Variants in NPM1 observed in about 807,000 individuals in gnomAD.
NPM1 encodes the protein nucleophosmin 1, also known as nucleophosmin.
A neutral mutation model predicts 44.1 loss-of-function variants in NPM1; 1 was observed. The ratio of observed to expected loss-of-function variants is 0.02; its 90% CI spans 0.01 to 0.11. The LOEUF (loss-of-function observed/expected upper bound fraction) is 0.11. Ranked by LOEUF, NPM1 falls within the 10% of genes least tolerant of loss-of-function variation. NPM1 has a pLI of 1.00. For missense variants in NPM1, 197 were observed against 347.8 expected (o/e 0.57, Z 3.45); for synonymous variants, 126 against 111.8 (o/e 1.13, Z -0.80).
At chr5:171,410,435 T>C (rs993150330) in intron 10 of NPM1, 92 bp from the exon 11 acceptor site, 3 of 719,486 alleles carry the variant, frequency 4.2e-6, no homozygotes, top group Admixed American at 2.8e-5. Flanking sequence ...GAATGAAAAA[T>C]AGATGTTGAA....
At chr5:171,389,807 G>A (rs1245017472) in intron 1 of NPM1, among the ~76,000 whole-genome samples, 1 of 152,180 alleles carries the variant, frequency 6.6e-6, no homozygotes, top group Non-Finnish European at 1.5e-5. Context: ...CAGAATAACA[G>A]TACCTATCAG....
At chr5:171,398,749 C>T (rs535511812) in intron 6 of NPM1, among the ~76,000 whole-genome samples, 22 of 152,252 alleles carry the variant, frequency 1.4e-4, no homozygotes, top group Non-Finnish European at 2.4e-4. Context: ...TCCAGCCTGG[C>T]GACAGAGCGA....
intron 9 of NPM1, chr5:171,406,664 C>G (rs1771587641): frequency 7.8e-7 from 1 of 1,289,626 alleles, no homozygotes; most frequent in South Asian, 2.8e-5. Flanking sequence ...TTTGCCTCAC[C>G]TGACAATGTT....
rs575231413 is a variant in NPM1, at chr5:171,407,720, G to A, written c.792G>A (p.Val264=). Reference sequence around the variant, plus strand: ...AATAGGGTGGTTCTCTTCCCAAAGTGGAAGCCAAATTCATCAATTATGTGA... The same window carrying A: ...AATAGGGTGGTTCTCTTCCCAAAGTAGAAGCCAAATTCATCAATTATGTGA... ...SIEKGGSLPK[V]EAKFINYVKN... The change falls in exon 10 of 11, where the codon GTG becomes GTA. Residue 264 remains valine, a synonymous_variant. Transcript: ENST00000296930. The A allele has an allele frequency of 2.0e-5, 32 of 1,609,538 alleles. No homozygotes were observed. Among genetic ancestry groups the A allele is most frequent in the Admixed American group, 5.0e-5 (3 of 59,918 alleles).
chr5:171,407,497 A>G, intron 9 of NPM1: 1 of 558,110 alleles, frequency 1.8e-6, no homozygotes, highest in African/African-American at 2.0e-5. Flanking sequence ...CCCTTTGGCA[A>G]ATCTGTTTGA....
chr5:171,407,615 C>A, intron 9 of NPM1, 85 bp from the exon 10 acceptor site: 1 of 787,884 alleles, frequency 1.3e-6, no homozygotes, highest in Non-Finnish European at 2.2e-6. Flanking sequence ...CATGTAGTAG[C>A]ATGCAGATTA....
chr5:171,400,823 A>C lies in NPM1; in HGVS notation c.583-16A>C, dbSNP rs769223280. 1 of 1,554,982 alleles carries C rather than the reference A, an allele frequency of 6.4e-7. No individual in the cohort carries two copies. Among genetic ancestry groups the C allele is most frequent in the Non-Finnish European group, 8.9e-7 (1 of 1,127,632 alleles). ...TGGGGTCAGGGACAGTGATTAAGAT[A>C]AATTTCTAATTGCAGTCTATACGAG... On this transcript the variant is annotated splice_polypyrimidine_tract_variant and intron_variant, in intron 7 of 10. Transcript: ENST00000296930.
intron 9 of NPM1, chr5:171,406,420 T>C: frequency 1.2e-6 from 2 of 1,612,648 alleles, no homozygotes; most frequent in Non-Finnish European, 1.7e-6. Context: ...TCCTGGGCAC[T>C]ACATGTAAAT....
Position 171,402,865 on chromosome 5 carries a change from C to T in NPM1, c.669+1940C>T, listed in dbSNP as rs992958441. Among the ~76,000 whole-genome samples, 7 of 149,486 alleles carry T rather than the reference C, an allele frequency of 4.7e-5. No individual in the cohort carries two copies. The East Asian group carries it at 7.9e-4, about 17-fold the overall frequency. ...TGCCATGATTGTAAATTTCCTGTGG[C>T]CTCCTAGCCATGCTTCCTATACAGC... On this transcript the variant is annotated intron_variant, in intron 8 of 10. Coordinates refer to ENST00000296930, the MANE Select transcript of NPM1 (RefSeq NM_002520.7).
intron 9 of NPM1, among the ~76,000 whole-genome samples, chr5:171,406,000 C>T (rs1232020985): frequency 1.3e-5 from 2 of 152,068 alleles, no homozygotes; most frequent in Non-Finnish European, 1.5e-5. Context: ...TTAGGTCTCT[C>T]ATCTGCTTGA....
chr5:171,389,492 A>G (rs974404168), intron 1 of NPM1, among the ~76,000 whole-genome samples: 1 of 152,236 alleles, frequency 6.6e-6, no homozygotes, highest in African/African-American at 2.4e-5. Flanking sequence ...AACTATCGGA[A>G]AGAACCCTCC....
At chr5:171,405,541 C>A (rs1373202595) in intron 9 of NPM1, 138 bp downstream of exon 9, 2 of 636,956 alleles carry the variant, frequency 3.1e-6, no homozygotes. Context: ...TGAATTTTTT[C>A]AAAAATTTCT....
At chr5:171,396,044 A>G (rs966998644) in intron 6 of NPM1, among the ~76,000 whole-genome samples, 4 of 151,390 alleles carry the variant, frequency 2.6e-5, no homozygotes, top group African/African-American at 9.7e-5. Context: ...CAGTGGTGCA[A>G]TCATGGCTCA....
chr5:171,406,456 A>T (rs752530106), intron 9 of NPM1: 45 of 1,611,016 alleles, frequency 2.8e-5, no homozygotes, highest in Non-Finnish European at 3.8e-5. Flanking sequence ...GGAGAAAGGA[A>T]AAGGAGAGAC....
chr5:171,400,604 A>T (rs951847689), intron 7 of NPM1, among the ~76,000 whole-genome samples: 1 of 151,592 alleles, frequency 6.6e-6, no homozygotes, highest in East Asian at 1.9e-4. Context: ...TTACAGACTC[A>T]TGCCACCACA....
At chr5:171,400,338 TGAG>T in intron 7 of NPM1, 128 bp downstream of exon 7, 1 of 528,126 alleles carries the variant, frequency 1.9e-6, no homozygotes, top group Non-Finnish European at 2.6e-6. Flanking sequence ...AAATTAGTCC[TGAG>T]GAGGATTACA....
At position 171,387,892 on chromosome 5, in the gene NPM1, C is replaced by G. The variant is rs531062299; in HGVS notation, c.-57C>G. ...CGTCCTGCGCGGTTGTTCTCTGGAGCAGCGTTCTTTTATCTCCGTCCGCCT... is the reference window on the plus strand; with the variant it reads ...CGTCCTGCGCGGTTGTTCTCTGGAGGAGCGTTCTTTTATCTCCGTCCGCCT... On this transcript the variant is annotated 5_prime_UTR_variant, in exon 1 of 11. Coordinates refer to ENST00000296930, the MANE Select transcript of NPM1 (RefSeq NM_002520.7). 2.4e-5 allele frequency: 37 copies of G among 1,533,012 alleles called. No homozygotes were observed. The highest frequency in any genetic ancestry group is 3.2e-5 in the Non-Finnish European group (36 of 1,108,460). 95.0% of individuals were successfully genotyped at this position (1,533,012 alleles called of 1,614,324 possible). A position where few individuals can be genotyped will look rare whatever the true frequency, so the allele number is the denominator to read the frequency against.
At chr5:171,402,972 T>TTTG (rs1374577396) in intron 8 of NPM1, among the ~76,000 whole-genome samples, 1 of 105,968 alleles carries the variant, frequency 9.4e-6, no homozygotes, top group Non-Finnish European at 1.9e-5. Flanking sequence ...TTTTTCATTT[T>TTTG]ATTTATTTAT....
Position 171,405,537 on chromosome 5 carries a change from T to C in NPM1, c.771+134T>C, listed in dbSNP as rs555259493. 7.8e-5 allele frequency: 50 copies of C among 639,494 alleles called. No homozygotes were observed. In the East Asian group the frequency reaches 7.9e-4, roughly 10 times the overall value. 39.6% of individuals were successfully genotyped at this position (639,494 alleles called of 1,614,324 possible). Reference sequence around the variant, plus strand: ...ACTTGCCTGGTTCGTGGTATGAATTTTTTCAAAAATTTCTTATAAAACATT... The same window carrying C: ...ACTTGCCTGGTTCGTGGTATGAATTCTTTCAAAAATTTCTTATAAAACATT... On this transcript the variant is annotated intron_variant, in intron 9 of 10. Transcript: ENST00000296930.
Sources: gnomAD v4.1 joint callset for allele counts (sites outside exome capture counted in the v4.1 genomes callset) on GRCh38, gnomAD v4.1.1 for gene constraint, MANE v1.5 for transcripts, NCBI Gene and HGNC (gene_info 2026-07-23, HGNC 2026-07-21) for gene names.